CNST: variants seen among roughly 807,000 people sequenced by gnomAD.
CNST encodes consortin.
Under a neutral mutation model 72.4 loss-of-function variants are expected in CNST, and 39 were observed. The observed-to-expected ratio is 0.54, with a 90% confidence interval of 0.42 to 0.70. The LOEUF is 0.70. CNST is among the 30% of genes least tolerant of loss of function. The pLI is 0.00. For missense variants in CNST, 871 were observed against 868.5 expected (o/e 1.00, Z -0.04); for synonymous variants, 332 against 320.1 (o/e 1.04, Z -0.40).
At chr1:246,654,857 C>G (rs752850824) in intron 9 of CNST, among the ~76,000 whole-genome samples, 21 of 151,766 alleles carry the variant, frequency 1.4e-4, no homozygotes, top group Non-Finnish European at 2.5e-4. Context: ...ATTTAGTGAG[C>G]ACCTACTATA....
intron 1 of CNST, among the ~76,000 whole-genome samples, chr1:246,582,988 G>C (rs1255458440): frequency 2.0e-5 from 3 of 152,336 alleles, no homozygotes; most frequent in Non-Finnish European, 1.5e-5. Context: ...CCCTGACCCT[G>C]TTGTCCGCCC....
intron 2 of CNST, among the ~76,000 whole-genome samples, chr1:246,610,970 G>T (rs1008794259): frequency 2.0e-5 from 3 of 152,026 alleles, no homozygotes; most frequent in Non-Finnish European, 4.4e-5. Context: ...GTGGGTTTTT[G>T]ATCACCTGAC....
At chr1:246,664,708 G>A (rs1051715920) in intron 10 of CNST, among the ~76,000 whole-genome samples, 2 of 152,016 alleles carry the variant, frequency 1.3e-5, no homozygotes, top group Non-Finnish European at 2.9e-5. Flanking sequence ...TTACAGGCGT[G>A]AGCCACCACA....
chr1:246,583,196 C>T (rs1660910387), intron 1 of CNST, among the ~76,000 whole-genome samples: 1 of 152,194 alleles, frequency 6.6e-6, no homozygotes, highest in Admixed American at 6.5e-5. Flanking sequence ...CCTGTGTTTA[C>T]CATACAGATG....
intron 2 of CNST, among the ~76,000 whole-genome samples, chr1:246,603,997 G>A (rs1662497575): frequency 6.6e-6 from 1 of 152,228 alleles, no homozygotes; most frequent in Admixed American, 6.5e-5. Flanking sequence ...GCCTAGGCGG[G>A]TGGATCACCT....
At chr1:246,659,152 C>CA in intron 9 of CNST, among the ~76,000 whole-genome samples, 1 of 152,298 alleles carries the variant, frequency 6.6e-6, no homozygotes, top group South Asian at 2.1e-4. Flanking sequence ...CTTAGAACCG[C>CA]ACAGTGCCAT....
At chr1:246,662,142 A>C (rs1667132772) in intron 10 of CNST, among the ~76,000 whole-genome samples, 2 of 152,186 alleles carry the variant, frequency 1.3e-5, no homozygotes, top group Admixed American at 6.5e-5. Flanking sequence ...AATATGTATA[A>C]ATTCATTTTG....
chr1:246,577,370 T>G (rs1660498699), intron 1 of CNST, among the ~76,000 whole-genome samples: 1 of 152,058 alleles, frequency 6.6e-6, no homozygotes, highest in South Asian at 2.1e-4. Context: ...TTCTAGACCC[T>G]CTACTATCCT....
chr1:246,586,111 ATGTGTGTGTGTGTG>A lies in CNST; in HGVS notation c.-51-5383_-51-5370del, dbSNP rs113258007. Among the ~76,000 whole-genome samples, 5 of 102,700 alleles carry A rather than the reference ATGTGTGTGTGTGTG, an allele frequency of 4.9e-5. No individual in the cohort carries two copies. The Admixed American group carries it at 5.4e-4, about 11-fold the overall frequency. 67.4% of individuals were successfully genotyped at this position (102,700 alleles called of 152,430 possible). A position where few individuals can be genotyped will look rare whatever the true frequency, so the allele number is the denominator to read the frequency against. ...GAGGGGGAGATATATATATATATAT[ATGTGTGTGTGTGTG>A]TGTGTGTGTGTGTGTGTATATATTA... On this transcript the variant is annotated intron_variant, in intron 1 of 10. Coordinates refer to ENST00000366513, the MANE Select transcript of CNST (RefSeq NM_152609.3).
rs371349760 is a variant in CNST, at chr1:246,615,723, A to G, written c.380-5706A>G. ...GAGAAACCCCGTCTCTACTAAAAAT[A>G]CAAAATTAGCCTGGCATGGTGATGC... On this transcript the variant is annotated intron_variant, in intron 2 of 10. Transcript: ENST00000366513. Among the ~76,000 whole-genome samples the G allele has an allele frequency of 3.2e-4, 49 of 151,858 alleles. 2 individuals carry two copies. In the South Asian group the frequency reaches 0.01, roughly 32 times the overall value.
intron 1 of CNST, among the ~76,000 whole-genome samples, chr1:246,581,687 C>T (rs1478717770): frequency 6.6e-6 from 1 of 152,194 alleles, no homozygotes; most frequent in Non-Finnish European, 1.5e-5. Flanking sequence ...TTTTCCATTT[C>T]TTATAAACTT....
At chr1:246,580,525 G>A (rs1660712162) in intron 1 of CNST, among the ~76,000 whole-genome samples, 1 of 152,080 alleles carries the variant, frequency 6.6e-6, no homozygotes, top group African/African-American at 2.4e-5. Context: ...AGGACTGGAA[G>A]CAGAATTTTC....
chr1:246,621,816 G>A (rs968633552), intron 3 of CNST, among the ~76,000 whole-genome samples, 182 bp downstream of exon 3: 1 of 152,102 alleles, frequency 6.6e-6, no homozygotes, highest in Non-Finnish European at 1.5e-5. Flanking sequence ...GCAACATGGC[G>A]AAACCCCATC....
chr1:246,629,202 G>A (rs1196260306), intron 3 of CNST, among the ~76,000 whole-genome samples: 2 of 152,076 alleles, frequency 1.3e-5, no homozygotes, highest in Non-Finnish European at 2.9e-5. Flanking sequence ...GCTGGTAAGT[G>A]GCAGGGCTTG....
At chr1:246,634,990 G>GGGGTGCGTGTCTTCCGGCCA (rs1489366089) in intron 6 of CNST, among the ~76,000 whole-genome samples, 1 of 149,612 alleles carries the variant, frequency 6.7e-6, no homozygotes, top group African/African-American at 2.4e-5. Context: ...TCTTCCGGCC[G>GGGGTGCGTGTCTTCCGGCCA]GCCCTCTTCC....
intron 3 of CNST, among the ~76,000 whole-genome samples, chr1:246,625,414 C>CTTTTTTTT (rs61588900): frequency 3.6e-5 from 2 of 56,098 alleles, no homozygotes; most frequent in Non-Finnish European, 6.2e-5. Flanking sequence ...TTATTTCTTT[C>CTTTTTTTT]TTTTTTTTTT....
chr1:246,597,812 C>T (rs1661983693), intron 2 of CNST, among the ~76,000 whole-genome samples: 1 of 152,034 alleles, frequency 6.6e-6, no homozygotes, highest in Admixed American at 6.6e-5. Context: ...AGCTCATTTC[C>T]CTGAACCCCT....
intron 1 of CNST, among the ~76,000 whole-genome samples, chr1:246,567,086 G>T (rs1039804322): frequency 8.9e-5 from 13 of 146,180 alleles, no homozygotes. Context: ...GTCAAGAACC[G>T]CGTGGTGTCT....
intron 2 of CNST, among the ~76,000 whole-genome samples, chr1:246,615,916 T>C (rs1481999134): frequency 6.6e-6 from 1 of 151,892 alleles, no homozygotes; most frequent in Non-Finnish European, 1.5e-5. Flanking sequence ...AAACCCTTAG[T>C]AGTTACATGT....
Sources: gnomAD v4.1 joint callset for allele counts (sites outside exome capture counted in the v4.1 genomes callset) on GRCh38, gnomAD v4.1.1 for gene constraint, MANE v1.5 for transcripts, NCBI Gene and HGNC (gene_info 2026-07-23, HGNC 2026-07-21) for gene names.